Variants in EPC2 observed in about 807,000 individuals in gnomAD.
EPC2 encodes the protein enhancer of polycomb homolog 2.
A neutral mutation model predicts 92.1 loss-of-function variants in EPC2; 14 were observed. That is an observed-to-expected ratio of 0.15 (90% confidence interval 0.10 to 0.24). The LOEUF (loss-of-function observed/expected upper bound fraction) is 0.24. EPC2 is among the 10% of genes least tolerant of loss of function. The pLI, the probability that EPC2 is intolerant of heterozygous loss-of-function variation, is 1.00. For synonymous variants in EPC2, 340 were observed against 334.7 expected, an observed-to-expected ratio of 1.02 and a Z score of -0.17; for missense variants, 755 against 971.5, an observed-to-expected ratio of 0.78 and a Z score of 2.96.
Position 148,668,247 on chromosome 2 carries a change from C to A in EPC2, c.154-21967C>A, listed in dbSNP as rs532858366. Among the ~76,000 whole-genome samples, 5 of 152,250 alleles carry A rather than the reference C, an allele frequency of 3.3e-5. No individual in the cohort carries two copies. In the East Asian group the frequency reaches 9.6e-4, roughly 29 times the overall value. On this transcript the variant is annotated intron_variant, in intron 1 of 13. Transcript: ENST00000258484. The stretch of plus-strand genomic sequence containing the variant: ...TAAAGCTTATTAATATGGTAAGTTA[C>A]ATTTATTTTGAATGTAAGTCAATCC...
rs192054060 is a variant in EPC2, at chr2:148,764,794, A to G, written c.949-161A>G. Reference sequence around the variant, plus strand: ...CATCATAAGTTGCAGAAAGTAAAACATGTTTCAATTTATGAACACAGAATA... The same window carrying G: ...CATCATAAGTTGCAGAAAGTAAAACGTGTTTCAATTTATGAACACAGAATA... On this transcript the variant is annotated intron_variant, in intron 6 of 13. Coordinates refer to ENST00000258484, the MANE Select transcript of EPC2 (RefSeq NM_015630.4). Among the ~76,000 whole-genome samples, 89 of 152,360 alleles carry G rather than the reference A, an allele frequency of 5.8e-4. 1 individual carries two copies. In the East Asian group the frequency reaches 0.01, roughly 18 times the overall value.
intron 1 of EPC2, among the ~76,000 whole-genome samples, chr2:148,686,513 A>G (rs1163995575): frequency 6.6e-6 from 1 of 152,242 alleles, no homozygotes; most frequent in African/African-American, 2.4e-5. Flanking sequence ...TCTTAATGAC[A>G]TCTACAATAG....
At chr2:148,706,506 G>A (rs1364202243) in intron 2 of EPC2, among the ~76,000 whole-genome samples, 1 of 152,086 alleles carries the variant, frequency 6.6e-6, no homozygotes, top group Non-Finnish European at 1.5e-5. Context: ...ACACCACAAA[G>A]ATACTCATCG....
At chr2:148,760,203 G>GCTGA (rs1418014745) in intron 4 of EPC2, among the ~76,000 whole-genome samples, 1 of 152,170 alleles carries the variant, frequency 6.6e-6, no homozygotes, top group Non-Finnish European at 1.5e-5. Context: ...GTTGCAGTGA[G>GCTGA]CTGAGATCAC....
intron 10 of EPC2, among the ~76,000 whole-genome samples, chr2:148,774,478 T>G (rs1156971691): frequency 6.6e-6 from 1 of 151,756 alleles, no homozygotes; most frequent in Non-Finnish European, 1.5e-5. Context: ...AATACAAAAG[T>G]TAGCCGGGTG....
chr2:148,736,347 T>G (rs550199311), intron 2 of EPC2, among the ~76,000 whole-genome samples: 1 of 152,026 alleles, frequency 6.6e-6, no homozygotes, highest in African/African-American at 2.4e-5. Context: ...GCTCTTGAGG[T>G]TTTTTTTGAC....
intron 2 of EPC2, among the ~76,000 whole-genome samples, chr2:148,716,182 A>G (rs1353317977): frequency 6.6e-6 from 1 of 152,166 alleles, no homozygotes; most frequent in Non-Finnish European, 1.5e-5. Flanking sequence ...AGATAATTTT[A>G]CTTCCTCTCT....
intron 1 of EPC2, among the ~76,000 whole-genome samples, chr2:148,662,734 G>A (rs1457398765): frequency 1.3e-5 from 2 of 151,908 alleles, no homozygotes; most frequent in African/African-American, 4.8e-5. Context: ...GAGTTAATGG[G>A]TGCAGCACAC....
intron 13 of EPC2, among the ~76,000 whole-genome samples, 167 bp downstream of exon 13, chr2:148,785,168 A>C (rs1377320525): frequency 6.6e-6 from 1 of 152,152 alleles, no homozygotes; most frequent in African/African-American, 2.4e-5. Context: ...TATTTGTTTA[A>C]GGTGCCTAGT....
At chr2:148,647,134 C>G (rs913979751) in intron 1 of EPC2, among the ~76,000 whole-genome samples, 3 of 152,064 alleles carry the variant, frequency 2.0e-5, no homozygotes, top group Non-Finnish European at 2.9e-5. Flanking sequence ...AAAAGGAAAT[C>G]TGTTCTAGAG....
At chr2:148,724,890 G>T (rs139246342) in intron 2 of EPC2, among the ~76,000 whole-genome samples, 1 of 152,028 alleles carries the variant, frequency 6.6e-6, no homozygotes, top group Admixed American at 6.6e-5. Flanking sequence ...GTTTTGAAGC[G>T]AACATGGATG....
At chr2:148,729,117 A>G (rs1682566117) in intron 2 of EPC2, among the ~76,000 whole-genome samples, 2 of 150,750 alleles carry the variant, frequency 1.3e-5, no homozygotes, top group East Asian at 2.0e-4. Flanking sequence ...TGAATAATGG[A>G]TAACTGTGAA....
chr2:148,666,496 C>T (rs1416990003), intron 1 of EPC2, among the ~76,000 whole-genome samples: 2 of 152,172 alleles, frequency 1.3e-5, no homozygotes, highest in East Asian at 1.9e-4. Context: ...ATACTTTTGT[C>T]AGGTACAATA....
At chr2:148,707,100 C>T (rs999495362) in intron 2 of EPC2, among the ~76,000 whole-genome samples, 3 of 152,040 alleles carry the variant, frequency 2.0e-5, no homozygotes, top group Admixed American at 1.3e-4. Flanking sequence ...ATTCAGGAGA[C>T]CCATCTCACG....
At chr2:148,732,592 G>A (rs1682657584) in intron 2 of EPC2, among the ~76,000 whole-genome samples, 1 of 151,806 alleles carries the variant, frequency 6.6e-6, no homozygotes, top group African/African-American at 2.4e-5. Context: ...TGTTTGCCAG[G>A]CTGGTCTTGA....
chr2:148,690,787 T>C (rs1363566704), intron 2 of EPC2, among the ~76,000 whole-genome samples: 2 of 152,090 alleles, frequency 1.3e-5, no homozygotes, highest in African/African-American at 2.4e-5. Flanking sequence ...TTCAGCCTAC[T>C]GAGTAGTTGG....
intron 2 of EPC2, among the ~76,000 whole-genome samples, chr2:148,726,043 T>C (rs1436553146): frequency 6.6e-6 from 1 of 152,172 alleles, no homozygotes; most frequent in Non-Finnish European, 1.5e-5. Context: ...ACACCATATA[T>C]GTGGAATCAT....
At position 148,695,975 on chromosome 2, in the gene EPC2, C is replaced by A. The variant is rs114824638; in HGVS notation, c.313+5602C>A. On this transcript the variant is annotated intron_variant, in intron 2 of 13. Transcript: ENST00000258484. ...AATAAGGCCAGCCCCTGAGGGCAAC[C>A]CACATTCAGATCAGCTAGCTCTAAG... is the stretch of plus-strand genomic sequence containing the variant. Among the ~76,000 whole-genome samples, 1,089 of 152,280 alleles carry A rather than the reference C, an allele frequency of 7.2e-3. 6 individuals carry two copies. The highest frequency in any genetic ancestry group is 0.025 in the African/African-American group (1,023 of 41,540).
intron 2 of EPC2, among the ~76,000 whole-genome samples, chr2:148,719,363 C>T (rs1406553905): frequency 6.6e-6 from 1 of 152,170 alleles, no homozygotes; most frequent in Non-Finnish European, 1.5e-5. Flanking sequence ...GATTCTTTCT[C>T]ATCTTTGTGG....
Sources: allele counts gnomAD v4.1 joint callset (sites outside exome capture counted in the v4.1 genomes callset), GRCh38; gene constraint gnomAD v4.1.1; transcripts MANE v1.5; gene names NCBI Gene and HGNC (gene_info 2026-07-23, HGNC 2026-07-21).